Variants in IRF8 observed in about 807,000 individuals in gnomAD.
IRF8 encodes the protein interferon consensus sequence binding protein 1.
A neutral mutation model predicts 48.7 loss-of-function variants in IRF8; 14 were observed. The observed-to-expected ratio is 0.29, with a 90% CI of 0.19 to 0.45. The LOEUF (loss-of-function observed/expected upper bound fraction) is 0.45. Ranked by LOEUF, IRF8 falls within the 20% of genes least tolerant of loss-of-function variation. The pLI is 1.00. For missense variants in IRF8, 493 were observed against 580.7 expected, an observed-to-expected ratio of 0.85 and a Z score of 1.55; for synonymous variants, 278 against 227.3, an observed-to-expected ratio of 1.22 and a Z score of -2.01.
chr16:85,908,742 A>G (rs887047017), intron 2 of IRF8, among the ~76,000 whole-genome samples: 4 of 152,126 alleles, frequency 2.6e-5, no homozygotes, highest in African/African-American at 9.7e-5. Flanking sequence ...CCTGGGTTCG[A>G]CTTCTGACTC....
rs1353895661 is a variant in IRF8, at chr16:85,920,238, G to A, written c.1104+14G>A. On this transcript the variant is annotated intron_variant, in intron 8 of 8. Coordinates refer to ENST00000268638, the MANE Select transcript of IRF8 (RefSeq NM_002163.4). ...ATTCTCGTGCAGGTAAGTATGGGCA[G>A]CTTTTTTTTTTTTTTTTTTTTTTTT... The A allele has an allele frequency of 2.0e-5, 18 of 893,280 alleles. No homozygotes were observed. Among genetic ancestry groups the A allele is most frequent in the Non-Finnish European group, 2.9e-5 (17 of 581,592 alleles). 55.3% of individuals were successfully genotyped at this position (893,280 alleles called of 1,614,324 possible).
intron 7 of IRF8, among the ~76,000 whole-genome samples, chr16:85,919,164 C>T (rs967133108): frequency 7.9e-5 from 12 of 152,156 alleles, no homozygotes; most frequent in African/African-American, 2.9e-4. Context: ...CTGCTCCAGC[C>T]ACAAGATCCG....
rs763650411 is a variant in IRF8, at chr16:85,913,309, G to C, written c.553+73G>C. The C allele has an allele frequency of 2.8e-6, 3 of 1,061,972 alleles. No individual in the cohort carries two copies. The Admixed American group carries it at 5.1e-5, about 18-fold the overall frequency. 65.8% of individuals were successfully genotyped at this position (1,061,972 alleles called of 1,614,324 possible). ...TTACGGCATTCCACCAGCCAGGGAC[G>C]GAGTGGGGGTGGTTGTTGCTATCAT... is the stretch of plus-strand genomic sequence containing the variant. On this transcript the variant is annotated intron_variant, in intron 5 of 8. Coordinates refer to ENST00000268638, the MANE Select transcript of IRF8 (RefSeq NM_002163.4).
chr16:85,903,823 C>A (rs761260858), intron 2 of IRF8, among the ~76,000 whole-genome samples: 1 of 152,162 alleles, frequency 6.6e-6, no homozygotes, highest in Non-Finnish European at 1.5e-5. Flanking sequence ...GATGCTGTTC[C>A]CACCCTCATT....
chr16:85,919,434 G>A (rs867508738), intron 7 of IRF8, among the ~76,000 whole-genome samples: 1 of 152,198 alleles, frequency 6.6e-6, no homozygotes, highest in Admixed American at 6.5e-5. Flanking sequence ...TCAGGTCTCA[G>A]CTGCCACTGG....
intron 2 of IRF8, among the ~76,000 whole-genome samples, chr16:85,907,428 C>G (rs1196375301): frequency 6.6e-6 from 1 of 152,212 alleles, no homozygotes; most frequent in Non-Finnish European, 1.5e-5. Flanking sequence ...GCCTGTAAGC[C>G]CAGCACTTTG....
intron 6 of IRF8, among the ~76,000 whole-genome samples, chr16:85,918,131 C>G (rs143310266): frequency 6.6e-6 from 1 of 152,124 alleles, no homozygotes; most frequent in African/African-American, 2.4e-5. Context: ...ACAACAGTTA[C>G]CAGACCTTCT....
Position 85,913,131 on chromosome 16 carries a change from C to A in IRF8, c.448C>A (p.Pro150Thr). 1 of 1,613,034 alleles carries A rather than the reference C, an allele frequency of 6.2e-7. No homozygotes were observed. Among genetic ancestry groups the A allele is most frequent in the Non-Finnish European group, 8.5e-7 (1 of 1,178,996 alleles). The change falls in exon 5 of 9, where the codon CCT becomes ACT. Residue 150 changes from proline (P) to threonine (T), a missense_variant and splice_region_variant. By Grantham distance (38) the Pro-to-Thr change is conservative. Around this residue, in one of 3 missense-constraint regions of IRF8, gnomAD observed 408 missense variants for 449.6 expected, o/e 0.91. Coordinates refer to ENST00000268638, the MANE Select transcript of IRF8 (RefSeq NM_002163.4). ...RSEIDELIKE[P>T]SVDDYMGMIK... ...TCCTCTCCCTCCCCTGACTGTGCAG[C>A]CTTCTGTGGACGATTACATGGGGAT...
At chr16:85,903,416 G>A in intron 2 of IRF8, 1 of 551,666 alleles carries the variant, frequency 1.8e-6, no homozygotes, top group Non-Finnish European at 3.2e-6. Flanking sequence ...ATTCTGATGA[G>A]GAGATCGAAG....
At chr16:85,899,503 A>C (rs1904754148) in intron 1 of IRF8, among the ~76,000 whole-genome samples, 2 of 152,278 alleles carry the variant, frequency 1.3e-5, no homozygotes, top group African/African-American at 2.4e-5. Context: ...TTTACATGGA[A>C]AACGTTAGGA....
intron 8 of IRF8, 64 bp downstream of exon 8, chr16:85,920,288 C>G: frequency 9.0e-7 from 1 of 1,107,476 alleles, no homozygotes; most frequent in Admixed American, 2.1e-5. Context: ...GCTCTGTTGC[C>G]CAGGCTGGTG....
chr16:85,901,020 T>A (rs1904809965), intron 1 of IRF8: 1 of 152,218 alleles, frequency 6.6e-6, no homozygotes, highest in South Asian at 2.1e-4. Flanking sequence ...TATGTTGTGT[T>A]CTGGCCACCT....
chr16:85,910,062 G>A (rs1320152522), intron 3 of IRF8, among the ~76,000 whole-genome samples: 1 of 152,204 alleles, frequency 6.6e-6, no homozygotes, highest in Non-Finnish European at 1.5e-5. Context: ...CACTCTTCCC[G>A]CTGTGGGGGT....
At chr16:85,911,246 A>C (rs574121869) in intron 3 of IRF8, among the ~76,000 whole-genome samples, 1 of 152,360 alleles carries the variant, frequency 6.6e-6, no homozygotes, top group South Asian at 2.1e-4. Context: ...TTAAGTTAGC[A>C]AATGCTTGCT....
intron 7 of IRF8, 32 bp from the exon 8 acceptor site, chr16:85,920,077 C>A (rs372443622): frequency 1.3e-6 from 2 of 1,550,324 alleles, no homozygotes; most frequent in African/African-American, 1.4e-5. Context: ...CTCGGCCTTG[C>A]TTGCAAACAC....
chr16:85,912,181 A>T (rs1905166082), intron 4 of IRF8, among the ~76,000 whole-genome samples: 1 of 152,232 alleles, frequency 6.6e-6, no homozygotes, highest in South Asian at 2.1e-4. Flanking sequence ...TTGCACATAA[A>T]TTCCTAACAG....
In IRF8 at chr16:85,911,631, C is replaced by A; in HGVS notation, c.420C>A (p.Arg140=). 6.2e-7 allele frequency: 1 copy of A among 1,614,112 alleles called. No individual in the cohort carries two copies. The highest frequency in any genetic ancestry group is 8.5e-7 in the Non-Finnish European group (1 of 1,179,956). The change falls in exon 4 of 9, where the codon CGC becomes CGA. Residue 140 remains arginine (R), a synonymous_variant. Transcript: ENST00000268638. The part of the protein sequence containing the change: ...VNEVTEMECG[R]SEIDELIKEP... ...AAGTTACAGAGATGGAGTGCGGTCG[C>A]TCTGAAATCGACGAGCTGATCAAGG...
chr16:85,899,752 C>G (rs1904767064), intron 1 of IRF8, among the ~76,000 whole-genome samples: 2 of 152,286 alleles, frequency 1.3e-5, no homozygotes, highest in Admixed American at 6.5e-5. Flanking sequence ...TCCATCACAG[C>G]CCAGTCGTCC....
chr16:85,919,095 T>C (rs1905439898), intron 7 of IRF8, among the ~76,000 whole-genome samples: 1 of 152,138 alleles, frequency 6.6e-6, no homozygotes. Context: ...CTCATGTACC[T>C]TGGAGTATGT....
Sources: gnomAD v4.1 joint callset for allele counts (sites outside exome capture counted in the v4.1 genomes callset) on GRCh38, gnomAD v4.1.1 for gene constraint, gnomAD v4.1.1 regional missense constraint, MANE v1.5 for transcripts, NCBI Gene and HGNC (gene_info 2026-07-23, HGNC 2026-07-21) for gene names.